The following UTRN variants were observed in gnomAD, a reference collection of about 807,000 sequenced individuals.
UTRN encodes utrophin, also known as dystrophin-related protein 1.
A neutral mutation model predicts 463.9 loss-of-function variants in UTRN; 283 were observed. That is an observed-to-expected ratio of 0.61 (90% CI 0.55 to 0.67). The LOEUF is 0.67. UTRN is among the 30% of genes least tolerant of loss of function. The pLI is 0.00. For missense variants in UTRN, 3,922 were observed against 4,084.3 expected, an observed-to-expected ratio of 0.96 and a Z score of 1.08; for synonymous variants, 1,442 against 1,431.5, an observed-to-expected ratio of 1.01 and a Z score of -0.17.
chr6:144,493,863 C>T (rs1237243685), intron 33 of UTRN, among the ~76,000 whole-genome samples: 1 of 151,958 alleles, frequency 6.6e-6, no homozygotes, highest in Non-Finnish European at 1.5e-5. Flanking sequence ...AAAAATTAGC[C>T]ATGGTGGTGA....
chr6:144,715,610 A>G (rs1216323368), intron 53 of UTRN, among the ~76,000 whole-genome samples: 1 of 151,288 alleles, frequency 6.6e-6, no homozygotes, highest in Non-Finnish European at 1.5e-5. Flanking sequence ...CTCTGCCCAA[A>G]ATGCCCCTTC....
intron 2 of UTRN, among the ~76,000 whole-genome samples, chr6:144,361,611 A>G (rs1779085446): frequency 6.6e-6 from 1 of 151,954 alleles, no homozygotes; most frequent in African/African-American, 2.4e-5. Context: ...TTTTTTAGAG[A>G]CAGTGTCTCA....
intron 2 of UTRN, among the ~76,000 whole-genome samples, chr6:144,330,224 A>T (rs1776241621): frequency 6.6e-6 from 1 of 152,184 alleles, no homozygotes; most frequent in Non-Finnish European, 1.5e-5. Context: ...GCCCACAGAA[A>T]GCCTGATTGA....
Position 144,440,483 on chromosome 6 carries a change from G to T in UTRN, c.1512+12G>T, listed in dbSNP as rs367563722. The T allele has an allele frequency of 7.2e-5, 117 of 1,613,928 alleles. No individual in the cohort carries two copies. The highest frequency in any genetic ancestry group is 9.2e-5 in the Non-Finnish European group (108 of 1,179,948). On this transcript the variant is annotated intron_variant, in intron 13 of 74. Transcript: ENST00000367545. ...AAGACCAGTTACAGGTAAGAGTGCT[G>T]TAAAGTTGGATAATCCTGAGGGACC...
chr6:144,468,726 A>C (rs1018180583), intron 23 of UTRN, among the ~76,000 whole-genome samples: 3 of 152,058 alleles, frequency 2.0e-5, no homozygotes, highest in African/African-American at 7.3e-5. Context: ...ACAGAGAAAC[A>C]CTATTTTCAT....
chr6:144,434,091 G>T (rs908080857), intron 9 of UTRN, among the ~76,000 whole-genome samples: 35 of 152,236 alleles, frequency 2.3e-4, no homozygotes, highest in Non-Finnish European at 4.4e-4. Context: ...CTGCAATCCC[G>T]GCACCTCGGG....
At chr6:144,334,862 A>C (rs1776604971) in intron 2 of UTRN, among the ~76,000 whole-genome samples, 3 of 152,202 alleles carry the variant, frequency 2.0e-5, no homozygotes, top group African/African-American at 7.2e-5. Context: ...TTGTGTCCTG[A>C]AACCTCAATA....
intron 51 of UTRN, among the ~76,000 whole-genome samples, chr6:144,673,714 A>C (rs1585922389): frequency 6.6e-6 from 1 of 151,864 alleles, no homozygotes; most frequent in Admixed American, 6.6e-5. Flanking sequence ...CTTTTTTAAA[A>C]AATTGTGTTG....
At position 144,744,304 on chromosome 6, in the gene UTRN, A is replaced by G. The variant is rs1350738437; in HGVS notation, c.7940-3942A>G. Among the ~76,000 whole-genome samples, 4 of 111,788 alleles carry G rather than the reference A, an allele frequency of 3.6e-5. No homozygotes were observed. The East Asian group carries it at 1.2e-3, about 33-fold the overall frequency. The allele number at this position is 111,788 out of a possible 152,430, so 73.3% of individuals were successfully genotyped here. ...CCTGACTAAAAAAAAAATGGTGTAT[A>G]CATATATATATATATATGTGTGTGT... On this transcript the variant is annotated intron_variant, in intron 54 of 74. Transcript: ENST00000367545.
intron 51 of UTRN, among the ~76,000 whole-genome samples, chr6:144,643,862 A>G (rs1368019668): frequency 1.5e-4 from 23 of 152,104 alleles, no homozygotes; most frequent in Non-Finnish European, 1.5e-5. Context: ...TTGCAGCACT[A>G]TATTCTTCTA....
At chr6:144,774,490 CAAG>C in intron 60 of UTRN, 126 bp downstream of exon 60, 1 of 790,646 alleles carries the variant, frequency 1.3e-6, no homozygotes, top group East Asian at 2.9e-5. Flanking sequence ...GTACCTCACT[CAAG>C]GAGTTGGTTT....
chr6:144,753,341 A>G (rs1586389846), intron 56 of UTRN, among the ~76,000 whole-genome samples: 1 of 152,200 alleles, frequency 6.6e-6, no homozygotes, highest in East Asian at 1.9e-4. Flanking sequence ...AAGGCTAGGC[A>G]TGGGGGCTCT....
intron 43 of UTRN, among the ~76,000 whole-genome samples, chr6:144,536,360 C>T (rs1797534150): frequency 6.6e-6 from 1 of 151,992 alleles, no homozygotes; most frequent in African/African-American, 2.4e-5. Context: ...TTGGGTGTTT[C>T]CAAAGTTGTC....
chr6:144,530,222 G>T (rs890664226), intron 41 of UTRN, among the ~76,000 whole-genome samples: 8 of 152,196 alleles, frequency 5.3e-5, no homozygotes, highest in African/African-American at 1.7e-4. Context: ...GGTGCCAGTA[G>T]ATTTGGTGTC....
At chr6:144,754,274 A>G (rs1791737897) in intron 56 of UTRN, among the ~76,000 whole-genome samples, 1 of 152,190 alleles carries the variant, frequency 6.6e-6, no homozygotes, top group Non-Finnish European at 1.5e-5. Context: ...CTTTACAAAC[A>G]ATGTACTGCC....
Position 144,534,751 on chromosome 6 carries a change from A to G in UTRN, c.6233+1491A>G, listed in dbSNP as rs1284405494. On this transcript the variant is annotated intron_variant, in intron 43 of 74. Transcript: ENST00000367545. ...GAAGAAGAAAATGATGAAAGAAAAC[A>G]TCATTAAAAAGATAAAGTGTCACAG... Among the ~76,000 whole-genome samples, 3 of 152,202 alleles carry G rather than the reference A, an allele frequency of 2.0e-5. 1 individual carries two copies. Among genetic ancestry groups the G allele is most frequent in the South Asian group, 4.1e-4 (2 of 4,832 alleles).
chr6:144,681,698 A>T (rs1782213985), intron 52 of UTRN, among the ~76,000 whole-genome samples: 1 of 152,100 alleles, frequency 6.6e-6, no homozygotes, highest in African/African-American at 2.4e-5. Flanking sequence ...AGGGAAGAGG[A>T]GGGAAGAATG....
intron 2 of UTRN, among the ~76,000 whole-genome samples, chr6:144,314,281 T>C (rs1381130352): frequency 6.6e-6 from 1 of 152,176 alleles, no homozygotes; most frequent in Non-Finnish European, 1.5e-5. Context: ...TGAGTGCAAG[T>C]GAAGTAGGGC....
chr6:144,555,743 G>T (rs1467479440), intron 49 of UTRN, among the ~76,000 whole-genome samples: 1 of 152,114 alleles, frequency 6.6e-6, no homozygotes, highest in Non-Finnish European at 1.5e-5. Flanking sequence ...ACTATCACAA[G>T]AACAGCACAG....
Sources: gnomAD v4.1 joint callset for allele counts (sites outside exome capture counted in the v4.1 genomes callset) on GRCh38, gnomAD v4.1.1 for gene constraint, MANE v1.5 for transcripts, NCBI Gene and HGNC (gene_info 2026-07-23, HGNC 2026-07-21) for gene names.